The following STK32A variants were observed in gnomAD, a reference collection of about 807,000 sequenced individuals.
STK32A encodes the protein serine/threonine-protein kinase 32A.
A neutral mutation model predicts 53.2 loss-of-function variants in STK32A; 41 were observed. That is an observed-to-expected ratio of 0.77 (90% CI 0.60 to 1.00). The LOEUF is 1.00. Ranked by LOEUF, STK32A falls within the 50% of genes least tolerant of loss-of-function variation. The pLI, the probability that STK32A is intolerant of heterozygous loss-of-function variation, is 0.00. For missense variants in STK32A, 458 were observed against 485.8 expected, an observed-to-expected ratio of 0.94 and a Z score of 0.54; for synonymous variants, 166 against 162.8, an observed-to-expected ratio of 1.02 and a Z score of -0.15.
Position 147,351,094 on chromosome 5 carries a change from G to A in STK32A, c.502G>A (p.Ala168Thr). Reference sequence around the variant, plus strand: ...CGTGCACATCACAGATTTCAACATTGCTGCGATGCTGCCCAGGGAGACACA... The same window carrying A: ...CGTGCACATCACAGATTTCAACATTACTGCGATGCTGCCCAGGGAGACACA... ...GHVHITDFNI[A>T]AMLPRETQIT... The change falls in exon 7 of 13, where the codon GCT becomes ACT. Residue 168 changes from alanine (A) to threonine (T), a missense_variant. Physicochemically the swap from Ala to Thr is moderately conservative, Grantham distance 58. Transcript: ENST00000397936. The A allele has an allele frequency of 6.2e-7, 1 of 1,613,984 alleles. No individual in the cohort carries two copies. Among genetic ancestry groups the A allele is most frequent in the Non-Finnish European group, 8.5e-7 (1 of 1,179,884 alleles).
chr5:147,384,350 T>A lies in STK32A; in HGVS notation c.*367T>A. On this transcript the variant is annotated 3_prime_UTR_variant, in exon 13 of 13. Transcript: ENST00000397936. ...AATTAATATATGAATATAGATTTAT[T>A]TTTCCACTCCTTCTAATTATGCAGT... 6.7e-7 allele frequency: 1 copy of A among 1,498,998 alleles called. No individual in the cohort carries two copies. Among genetic ancestry groups the A allele is most frequent in the Non-Finnish European group, 8.9e-7 (1 of 1,127,572 alleles). The allele number at this position is 1,498,998 out of a possible 1,614,324, so 92.9% of individuals were successfully genotyped here. A position where few individuals can be genotyped will look rare whatever the true frequency, so the allele number is the denominator to read the frequency against.
Position 147,307,523 on chromosome 5 carries a change from G to A in STK32A, c.261-16375G>A, listed in dbSNP as rs149681897. Reference sequence around the variant, plus strand: ...GTAAATCCCAGCTACTTGGGAAGCTGAGGCATGAGAATCCCATGAATCCTA... The same window carrying A: ...GTAAATCCCAGCTACTTGGGAAGCTAAGGCATGAGAATCCCATGAATCCTA... On this transcript the variant is annotated intron_variant, in intron 4 of 12. Coordinates refer to ENST00000397936, the MANE Select transcript of STK32A (RefSeq NM_001112724.2). 2.0e-5 allele frequency among the ~76,000 whole-genome samples: 3 copies of A among 150,920 alleles called. No homozygotes were observed. The East Asian group carries it at 5.9e-4, about 30-fold the overall frequency.
intron 4 of STK32A, among the ~76,000 whole-genome samples, chr5:147,321,952 C>T (rs562867067): frequency 9.3e-4 from 142 of 152,330 alleles, no homozygotes; most frequent in African/African-American, 3.3e-3. Context: ...GCCTTGCTTA[C>T]ATCCCACAAT....
At chr5:147,360,724 G>A (rs1756467249) in intron 7 of STK32A, among the ~76,000 whole-genome samples, 1 of 152,178 alleles carries the variant, frequency 6.6e-6, no homozygotes, top group African/African-American at 2.4e-5. Flanking sequence ...GTATTAGACA[G>A]TAGGAATATG....
intron 7 of STK32A, 94 bp from the exon 8 acceptor site, chr5:147,361,423 G>T (rs1756497894): frequency 1.2e-6 from 1 of 837,496 alleles, no homozygotes. Flanking sequence ...TTATATTTTT[G>T]ATCCTGGTAA....
chr5:147,376,187 T>A (rs1757223663), intron 11 of STK32A, among the ~76,000 whole-genome samples: 2 of 152,198 alleles, frequency 1.3e-5, no homozygotes, highest in African/African-American at 4.8e-5. Flanking sequence ...GGCCACTATA[T>A]ATTTCAATGG....
chr5:147,324,144 A>G (rs1256011536), intron 5 of STK32A, 73 bp downstream of exon 5: 22 of 1,338,908 alleles, frequency 1.6e-5, no homozygotes, highest in Non-Finnish European at 2.2e-5. Flanking sequence ...CCTTCAATAA[A>G]TTCTTATTGA....
At chr5:147,390,784 AAAG>A (rs1457469135), downstream of STK32A, 2 of 152,644 alleles carry the variant, frequency 1.3e-5, no homozygotes, top group Admixed American at 6.5e-5. Context: ...CACATCACAC[AAAG>A]AAGAAGACTG....
chr5:147,247,671 CA>C (rs1164655510), intron 2 of STK32A, among the ~76,000 whole-genome samples: 18 of 152,280 alleles, frequency 1.2e-4, no homozygotes, highest in African/African-American at 3.9e-4. Flanking sequence ...TCAACTCTGC[CA>C]CTGTAGCATA....
intron 6 of STK32A, among the ~76,000 whole-genome samples, chr5:147,349,127 G>A (rs924734283): frequency 3.9e-5 from 6 of 152,170 alleles, no homozygotes; most frequent in African/African-American, 1.4e-4. Flanking sequence ...GACAACCTAC[G>A]CTATGATAAA....
intron 4 of STK32A, among the ~76,000 whole-genome samples, chr5:147,317,214 T>C (rs924608830): frequency 6.7e-6 from 1 of 149,300 alleles, no homozygotes; most frequent in Non-Finnish European, 1.5e-5. Flanking sequence ...TTTTACAAAC[T>C]ACAAAGAATT....
At chr5:147,245,570 G>A (rs1190066641) in intron 2 of STK32A, among the ~76,000 whole-genome samples, 2 of 152,030 alleles carry the variant, frequency 1.3e-5, no homozygotes, top group Non-Finnish European at 2.9e-5. Flanking sequence ...ACAATTCAGA[G>A]TTGAGGCAAC....
chr5:147,306,392 G>T (rs1482640327), intron 4 of STK32A, among the ~76,000 whole-genome samples: 1 of 151,880 alleles, frequency 6.6e-6, no homozygotes, highest in Admixed American at 6.6e-5. Flanking sequence ...CACATACCAA[G>T]TCAGGTGTTG....
intron 8 of STK32A, 56 bp from the exon 9 acceptor site, chr5:147,370,596 ATT>A: frequency 9.3e-7 from 1 of 1,077,944 alleles, no homozygotes; most frequent in Non-Finnish European, 1.4e-6. Flanking sequence ...ACATTTGGAA[ATT>A]TTTTTTTTCT....
chr5:147,361,466 A>G lies in STK32A; in HGVS notation c.563-51A>G, dbSNP rs1756499078. On this transcript the variant is annotated intron_variant, in intron 7 of 12. Coordinates refer to ENST00000397936, the MANE Select transcript of STK32A (RefSeq NM_001112724.2). ...TTGGAGGAACATGTTGAGAAAATAT[A>G]ATACTAATGTCTCAGGGAATCAAAC... The G allele has an allele frequency of 1.0e-5, 12 of 1,193,892 alleles. No individual in the cohort carries two copies. In the South Asian group the frequency reaches 1.5e-4, roughly 15 times the overall value. 74.0% of individuals were successfully genotyped at this position (1,193,892 alleles called of 1,614,324 possible). A position where few individuals can be genotyped will look rare whatever the true frequency, so the allele number is the denominator to read the frequency against.
intron 4 of STK32A, among the ~76,000 whole-genome samples, chr5:147,279,632 G>A (rs1173856829): frequency 1.3e-5 from 2 of 151,940 alleles, no homozygotes; most frequent in Non-Finnish European, 2.9e-5. Flanking sequence ...CGAATGTCAT[G>A]TAAGGGGGGG....
intron 4 of STK32A, among the ~76,000 whole-genome samples, chr5:147,280,089 A>C (rs995868018): frequency 1.3e-5 from 2 of 152,270 alleles, no homozygotes; most frequent in African/African-American, 2.4e-5. Context: ...CGGGGAGAAG[A>C]AGCAGCAGAA....
chr5:147,332,772 A>G (rs1277767254), intron 5 of STK32A, among the ~76,000 whole-genome samples: 2 of 152,216 alleles, frequency 1.3e-5, no homozygotes, highest in Non-Finnish European at 2.9e-5. Context: ...TGTTCTATTC[A>G]GCACCTGCTC....
In STK32A at chr5:147,384,306, G is replaced by A. The variant is rs960240302; in HGVS notation, c.*323G>A. ...AGTGCTATAGTTGTTATTCTAAACC[G>A]CCTTTATTTTTATTTTAAAATTAAT... On this transcript the variant is annotated 3_prime_UTR_variant, in exon 13 of 13. Transcript: ENST00000397936. The A allele has an allele frequency of 4.1e-5, 57 of 1,398,792 alleles. No individual in the cohort carries two copies. In the Middle Eastern group the frequency reaches 6.6e-4, roughly 16 times the overall value. 86.6% of individuals were successfully genotyped at this position (1,398,792 alleles called of 1,614,324 possible).
Sources: allele counts gnomAD v4.1 joint callset (sites outside exome capture counted in the v4.1 genomes callset), GRCh38; gene constraint gnomAD v4.1.1; transcripts MANE v1.5; gene names NCBI Gene and HGNC (gene_info 2026-07-23, HGNC 2026-07-21).